MOCOS: variants seen among roughly 807,000 people sequenced by gnomAD.
MOCOS encodes molybdenum cofactor sulfurase.
In MOCOS, 86 loss-of-function variants were observed where a neutral mutation model predicts 83.6. The observed-to-expected ratio is 1.03, with a 90% CI of 0.86 to 1.23. The LOEUF is 1.23. Among genes scored for constraint, MOCOS ranks in the 50% most tolerant of loss-of-function variants. The pLI, the probability that MOCOS is intolerant of heterozygous loss-of-function variation, is 0.00. For synonymous variants in MOCOS, 445 were observed against 434.7 expected (o/e 1.02, Z -0.29); for missense variants, 1,120 against 1,126.9 (o/e 0.99, Z 0.09).
intron 9 of MOCOS, among the ~76,000 whole-genome samples, chr18:36,242,185 C>A (rs1000861092): frequency 6.6e-6 from 1 of 152,194 alleles, no homozygotes; most frequent in Non-Finnish European, 1.5e-5. Context: ...GCTACCCTCC[C>A]CTTTTAAATA....
intron 9 of MOCOS, among the ~76,000 whole-genome samples, chr18:36,246,485 C>A (rs999388749): frequency 6.6e-6 from 1 of 152,222 alleles, no homozygotes; most frequent in South Asian, 2.1e-4. Flanking sequence ...TTCATCTTCA[C>A]GTCTTCCAGC....
intron 4 of MOCOS, among the ~76,000 whole-genome samples, chr18:36,201,592 G>A (rs1426066503): frequency 3.0e-5 from 4 of 135,070 alleles, no homozygotes; most frequent in Admixed American, 1.7e-4. Flanking sequence ...AGCCCAGGAG[G>A]CAGACGTTGC....
chr18:36,221,407 A>G (rs2091495361), intron 9 of MOCOS, among the ~76,000 whole-genome samples: 1 of 152,084 alleles, frequency 6.6e-6, no homozygotes, highest in Admixed American at 6.6e-5. Context: ...ACACATACGT[A>G]CATACATAAA....
chr18:36,187,796 T>C, intron 1 of MOCOS, 115 bp downstream of exon 1: 1 of 1,149,466 alleles, frequency 8.7e-7, no homozygotes, highest in Non-Finnish European at 1.1e-6. Context: ...GAATCGAAAC[T>C]CCAGGAGGGA....
intron 9 of MOCOS, among the ~76,000 whole-genome samples, chr18:36,245,767 TTA>T (rs2091600210): frequency 6.6e-6 from 1 of 152,206 alleles, no homozygotes; most frequent in Admixed American, 6.5e-5. Flanking sequence ...CCAATTATTC[TTA>T]TGTTTGGTCA....
At chr18:36,261,318 A>G (rs2091662653) in intron 13 of MOCOS, among the ~76,000 whole-genome samples, 1 of 152,182 alleles carries the variant, frequency 6.6e-6, no homozygotes. Flanking sequence ...AGATTTTCAA[A>G]TTAGGAATGC....
Position 36,215,755 on chromosome 18 carries a change from C to T in MOCOS, c.1575C>T (p.Gly525=), listed in dbSNP as rs2091473910. Residue 525 remains glycine (G), a synonymous_variant, in exon 8 of 15, where the codon GGC becomes GGT. Coordinates refer to ENST00000261326, the MANE Select transcript of MOCOS (RefSeq NM_017947.4). ...CTGATGTTATACCTGCTGTCATGGG[C>T]AGACGTAGCCTCTCGCCTCAGGAAG... ...SQADVIPAVM[G]RRSLSPQEDA... The T allele has an allele frequency of 6.2e-7, 1 of 1,614,108 alleles. No individual in the cohort carries two copies. The highest frequency in any genetic ancestry group is 1.1e-5 in the South Asian group (1 of 91,084).
intron 6 of MOCOS, among the ~76,000 whole-genome samples, chr18:36,208,313 T>G (rs1020414768): frequency 2.6e-3 from 2 of 778 alleles, no homozygotes; most frequent in African/African-American, 2.8e-3. Flanking sequence ...TTAGAATAGT[T>G]TTTTTTTCTA....
intron 9 of MOCOS, among the ~76,000 whole-genome samples, chr18:36,234,675 T>C (rs749099689): frequency 1.3e-5 from 2 of 152,152 alleles, no homozygotes; most frequent in African/African-American, 2.4e-5. Flanking sequence ...ATTAGTCCAT[T>C]TGTATTGTTG....
chr18:36,240,736 G>C (rs1175295572), intron 9 of MOCOS, among the ~76,000 whole-genome samples: 1 of 152,160 alleles, frequency 6.6e-6, no homozygotes, highest in East Asian at 1.9e-4. Context: ...CCCCAGCCTC[G>C]CTGCCGCCTT....
At chr18:36,255,530 T>C (rs550505222) in intron 11 of MOCOS, among the ~76,000 whole-genome samples, 1 of 152,248 alleles carries the variant, frequency 6.6e-6, no homozygotes, top group South Asian at 2.1e-4. Flanking sequence ...TGAGGGAGTG[T>C]GCTTTAGGAG....
intron 1 of MOCOS, chr18:36,190,074 T>C (rs946901721): frequency 5.3e-5 from 8 of 152,206 alleles, no homozygotes; most frequent in East Asian, 1.9e-4. Context: ...AAATTAACCA[T>C]TGGACCAAAA....
At chr18:36,209,219 C>T (rs1411828553) in intron 6 of MOCOS, among the ~76,000 whole-genome samples, 1 of 151,622 alleles carries the variant, frequency 6.6e-6, no homozygotes, top group Admixed American at 6.6e-5. Context: ...CACTCTGTTG[C>T]CCAGACTGGA....
chr18:36,191,077 T>TTC (rs897244274), intron 1 of MOCOS, among the ~76,000 whole-genome samples: 1 of 149,268 alleles, frequency 6.7e-6, no homozygotes, highest in Non-Finnish European at 1.5e-5. Flanking sequence ...CACAAGCACC[T>TTC]TCTCTCTCTC....
At position 36,187,767 on chromosome 18, in the gene MOCOS, C is replaced by G. The variant is rs950196294; in HGVS notation, c.142+86C>G. 11 of 1,224,784 alleles carry G rather than the reference C, an allele frequency of 9.0e-6. No individual in the cohort carries two copies. The African/African-American group carries it at 1.6e-4, about 17-fold the overall frequency. The allele number at this position is 1,224,784 out of a possible 1,614,324, so 75.9% of individuals were successfully genotyped here. ...TTTGCTCCTAGTGAGAGCGGCGCTA[C>G]CTCATTCGGGCGCATTTTGAATCGA... is the stretch of plus-strand genomic sequence containing the variant. On this transcript the variant is annotated intron_variant, in intron 1 of 14. Coordinates refer to ENST00000261326, the MANE Select transcript of MOCOS (RefSeq NM_017947.4).
At position 36,215,565 on chromosome 18, in the gene MOCOS, C is replaced by T. The variant is rs1052089084; in HGVS notation, c.1385C>T (p.Thr462Ile). The T allele has an allele frequency of 6.2e-7, 1 of 1,614,068 alleles. No individual in the cohort carries two copies. Among genetic ancestry groups the T allele is most frequent in the African/African-American group, 1.3e-5 (1 of 74,934 alleles). The stretch of plus-strand genomic sequence containing the variant: ...ATGGACCTCATAGATGGGCAGCCCA[C>T]AGGATCTGTGAGGATTTCATTTGGA... ...DNMDLIDGQP[T>I]GSVRISFGYM... The change falls in exon 8 of 15, where the codon ACA (threonine) becomes ATA (isoleucine). Residue 462 changes from threonine to isoleucine, a missense_variant. Transcript: ENST00000261326.
At position 36,203,204 on chromosome 18, in the gene MOCOS, C is replaced by A; in HGVS notation, c.1018+15C>A. On this transcript the variant is annotated intron_variant, in intron 5 of 14. Coordinates refer to ENST00000261326, the MANE Select transcript of MOCOS (RefSeq NM_017947.4). Reference sequence around the variant, plus strand: ...GCGCCTCACAGGTCAGTGGACATTTCTATCCCTGTGGAATTTGCTCCTGTT... The same window carrying A: ...GCGCCTCACAGGTCAGTGGACATTTATATCCCTGTGGAATTTGCTCCTGTT... The A allele has an allele frequency of 1.2e-6, 2 of 1,611,178 alleles. No individual in the cohort carries two copies. The highest frequency in any genetic ancestry group is 1.7e-6 in the Non-Finnish European group (2 of 1,177,290).
chr18:36,223,754 CTTGT>C (rs1308593488), intron 9 of MOCOS, among the ~76,000 whole-genome samples: 1 of 152,104 alleles, frequency 6.6e-6, no homozygotes, highest in Non-Finnish European at 1.5e-5. Flanking sequence ...TGTTTAATTT[CTTGT>C]TTGTGTCTTA....
intron 1 of MOCOS, among the ~76,000 whole-genome samples, chr18:36,188,635 TC>T (rs1379331707): frequency 1.3e-5 from 2 of 152,154 alleles, no homozygotes; most frequent in African/African-American, 4.8e-5. Context: ...TGGTGACTGC[TC>T]CCCTTCTGGG....
Sources: gnomAD v4.1 joint callset for allele counts (sites outside exome capture counted in the v4.1 genomes callset) on GRCh38, gnomAD v4.1.1 for gene constraint, MANE v1.5 for transcripts, NCBI Gene and HGNC (gene_info 2026-07-23, HGNC 2026-07-21) for gene names.